Variants in CFAP299 observed in about 807,000 individuals in gnomAD.
CFAP299 encodes the protein cilia- and flagella-associated protein 299.
A neutral mutation model predicts 27.0 loss-of-function variants in CFAP299; 21 were observed. That is an observed-to-expected ratio of 0.78 (90% CI 0.55 to 1.12). The LOEUF (loss-of-function observed/expected upper bound fraction) is 1.12. Among genes scored for constraint, CFAP299 ranks in the 50% most tolerant of loss-of-function variants. The probability of loss-of-function intolerance (pLI) is 0.00; values close to 1 mark genes in which losing one functional copy is unlikely to be tolerated. For missense variants in CFAP299, 310 were observed against 276.6 expected (o/e 1.12, Z -0.86); for synonymous variants, 104 against 98.1 (o/e 1.06, Z -0.36).
intron 4 of CFAP299, among the ~76,000 whole-genome samples, chr4:80,918,726 C>G (rs1735888148): frequency 6.6e-6 from 1 of 152,000 alleles, no homozygotes; most frequent in Admixed American, 6.6e-5. Flanking sequence ...CTTTGCTGCC[C>G]CTGTCCAGGC....
At chr4:80,490,915 G>A (rs1478907204) in intron 2 of CFAP299, among the ~76,000 whole-genome samples, 1 of 150,372 alleles carries the variant, frequency 6.7e-6, no homozygotes, top group Admixed American at 6.6e-5. Flanking sequence ...AGTATTTCTT[G>A]GAACAGGATT....
intron 3 of CFAP299, among the ~76,000 whole-genome samples, chr4:80,627,939 C>T (rs552206647): frequency 6.6e-6 from 1 of 152,124 alleles, no homozygotes; most frequent in South Asian, 2.1e-4. Context: ...AACAGAATTC[C>T]TATCAAAATA....
chr4:80,381,288 T>A (rs1724685124), intron 2 of CFAP299, among the ~76,000 whole-genome samples: 1 of 152,144 alleles, frequency 6.6e-6, no homozygotes, highest in African/African-American at 2.4e-5. Flanking sequence ...TATTTTAGAG[T>A]GTCTTCAAAA....
chr4:80,722,001 A>C (rs1248655897), intron 3 of CFAP299, among the ~76,000 whole-genome samples: 1 of 152,256 alleles, frequency 6.6e-6, no homozygotes, highest in African/African-American at 2.4e-5. Flanking sequence ...CCAAATCTAA[A>C]TAAAGGAACA....
chr4:80,670,513 A>G (rs1290421914), intron 3 of CFAP299, among the ~76,000 whole-genome samples: 1 of 152,114 alleles, frequency 6.6e-6, no homozygotes, highest in Non-Finnish European at 1.5e-5. Flanking sequence ...CCGTAATGGG[A>G]TGGTTGGGTC....
chr4:80,736,078 T>G (rs575115595), intron 3 of CFAP299, among the ~76,000 whole-genome samples: 1 of 152,262 alleles, frequency 6.6e-6, no homozygotes. Context: ...AGAAGCTCTT[T>G]AGTTTAATTA....
chr4:80,940,743 T>C (rs970896530), intron 4 of CFAP299, among the ~76,000 whole-genome samples: 8 of 152,198 alleles, frequency 5.3e-5, no homozygotes, highest in African/African-American at 1.9e-4. Context: ...ACAAATTCCC[T>C]TTAAGTACTA....
chr4:80,639,335 C>T (rs557603068), intron 3 of CFAP299, among the ~76,000 whole-genome samples: 134 of 152,234 alleles, frequency 8.8e-4, no homozygotes, highest in African/African-American at 2.9e-3. Context: ...CTTCACCTCA[C>T]AGAGGAAATG....
intron 2 of CFAP299, among the ~76,000 whole-genome samples, chr4:80,441,026 G>T (rs546263219): frequency 6.6e-6 from 1 of 152,108 alleles, no homozygotes; most frequent in Admixed American, 6.5e-5. Context: ...GAAAAGGGAT[G>T]AACAAAGCCT....
chr4:80,905,301 T>G (rs1735126726), intron 4 of CFAP299, among the ~76,000 whole-genome samples: 1 of 152,202 alleles, frequency 6.6e-6, no homozygotes, highest in African/African-American at 2.4e-5. Flanking sequence ...CTGGTCCACT[T>G]AGTGATAGAA....
intron 3 of CFAP299, among the ~76,000 whole-genome samples, chr4:80,587,179 A>G (rs1434368448): frequency 6.6e-6 from 1 of 152,190 alleles, no homozygotes; most frequent in Non-Finnish European, 1.5e-5. Flanking sequence ...CTTTTTTAAT[A>G]GAATTCATGC....
chr4:80,849,800 C>CAGAA (rs1731408266), intron 3 of CFAP299, among the ~76,000 whole-genome samples: 1 of 152,086 alleles, frequency 6.6e-6, no homozygotes, highest in Non-Finnish European at 1.5e-5. Flanking sequence ...TTCTGAAGTT[C>CAGAA]TATTGCACAG....
At chr4:80,375,510 G>A (rs1724361555) in intron 2 of CFAP299, among the ~76,000 whole-genome samples, 1 of 152,180 alleles carries the variant, frequency 6.6e-6, no homozygotes, top group Non-Finnish European at 1.5e-5. Context: ...GAGAACTCAT[G>A]GTGAGTGATC....
At chr4:80,685,168 G>A (rs1293424357) in intron 3 of CFAP299, among the ~76,000 whole-genome samples, 1 of 152,062 alleles carries the variant, frequency 6.6e-6, no homozygotes, top group East Asian at 1.9e-4. Flanking sequence ...GAGACTCTTG[G>A]GCTGGCCCCA....
intron 4 of CFAP299, among the ~76,000 whole-genome samples, chr4:80,918,483 T>A (rs1282711909): frequency 6.6e-6 from 1 of 152,142 alleles, no homozygotes; most frequent in Non-Finnish European, 1.5e-5. Context: ...CCCGACAATG[T>A]TCATGTGGCA....
At chr4:80,330,136 T>C in the CFAP299 span, among the ~76,000 whole-genome samples, 1 of 152,150 alleles carries the variant, frequency 6.6e-6, no homozygotes, top group Non-Finnish European at 1.5e-5. Flanking sequence ...GCAATAAACT[T>C]GAAATCAGTC....
intron 4 of CFAP299, among the ~76,000 whole-genome samples, chr4:80,913,024 A>G (rs994441902): frequency 6.6e-6 from 1 of 152,128 alleles, no homozygotes; most frequent in Non-Finnish European, 1.5e-5. Context: ...CCCCTCCACC[A>G]TTATATACCA....
chr4:80,461,100 GAATCAACAGAAAGGAATGTCTAGGTT>G (rs1729415848), intron 2 of CFAP299, among the ~76,000 whole-genome samples: 1 of 152,122 alleles, frequency 6.6e-6, no homozygotes, highest in African/African-American at 2.4e-5. Flanking sequence ...TAAAGACCCG[GAATCAACAGAAAGGAATGTCTAGGTT>G]AATATAAGGG....
chr4:80,877,292 T>C (rs1281713977), intron 4 of CFAP299, among the ~76,000 whole-genome samples: 1 of 152,160 alleles, frequency 6.6e-6, no homozygotes, highest in Non-Finnish European at 1.5e-5. Flanking sequence ...CCAAGCTAAA[T>C]ATTAAGTACT....
Sources: allele counts gnomAD v4.1 joint callset (sites outside exome capture counted in the v4.1 genomes callset), GRCh38; gene constraint gnomAD v4.1.1; transcripts MANE v1.5; gene names NCBI Gene and HGNC (gene_info 2026-07-23, HGNC 2026-07-21).